The following PRUNE2 variants were observed in gnomAD, a reference collection of about 807,000 sequenced individuals.
PRUNE2 encodes prune homolog 2 with BCH domain, also known as protein prune homolog 2.
A neutral mutation model predicts 252.0 loss-of-function variants in PRUNE2; 164 were observed. That is an observed-to-expected ratio of 0.65 (90% CI 0.57 to 0.74). PRUNE2 has a LOEUF of 0.74. Among genes scored for constraint, PRUNE2 ranks in the 30% least tolerant of loss-of-function variants. The probability of loss-of-function intolerance (pLI) is 0.00; values close to 1 mark genes in which losing one functional copy is unlikely to be tolerated. For synonymous variants in PRUNE2, 1,292 were observed against 1,350.2 expected (o/e 0.96, Z 0.94); for missense variants, 3,495 against 3,711.0 (o/e 0.94, Z 1.51).
chr9:76,729,094 T>G (rs1390741757), intron 6 of PRUNE2, among the ~76,000 whole-genome samples: 3 of 152,190 alleles, frequency 2.0e-5, no homozygotes, highest in Non-Finnish European at 4.4e-5. Flanking sequence ...ATTGTTTAAA[T>G]TACGGAGCTA....
chr9:76,663,364 C>A (rs770277103), intron 9 of PRUNE2, among the ~76,000 whole-genome samples: 2 of 152,228 alleles, frequency 1.3e-5, no homozygotes, highest in African/African-American at 4.8e-5. Context: ...GAGCTGGAAA[C>A]TGACTGCACA....
intron 6 of PRUNE2, chr9:76,784,715 C>G (rs1429191280): frequency 6.6e-6 from 1 of 152,194 alleles, no homozygotes; most frequent in East Asian, 1.9e-4. Flanking sequence ...TGTTCTGGCC[C>G]AGGGGATCTG....
intron 11 of PRUNE2, among the ~76,000 whole-genome samples, chr9:76,648,580 G>A (rs1845907282): frequency 6.6e-6 from 1 of 152,206 alleles, no homozygotes; most frequent in Non-Finnish European, 1.5e-5. Context: ...CATATTGTAT[G>A]AGTCCAACTA....
chr9:76,653,604 G>A (rs991916632), intron 10 of PRUNE2, among the ~76,000 whole-genome samples: 2 of 152,028 alleles, frequency 1.3e-5, no homozygotes, highest in African/African-American at 4.8e-5. Context: ...TTTTCTAATC[G>A]TTTGTGTTGA....
chr9:76,850,348 G>A, intron 3 of PRUNE2, 115 bp downstream of exon 3: 1 of 798,600 alleles, frequency 1.3e-6, no homozygotes. Context: ...TGACCAGCAT[G>A]TCCTCTGCTT....
intron 6 of PRUNE2, among the ~76,000 whole-genome samples, chr9:76,718,415 CT>C (rs2047345484): frequency 6.7e-6 from 1 of 148,720 alleles, no homozygotes; most frequent in Non-Finnish European, 1.5e-5. Context: ...CTGAAACTCT[CT>C]TCTCAAAAGT....
intron 6 of PRUNE2, among the ~76,000 whole-genome samples, chr9:76,810,856 T>C (rs1352602962): frequency 6.6e-6 from 1 of 152,238 alleles, no homozygotes; most frequent in African/African-American, 2.4e-5. Context: ...TTTATATAGA[T>C]TTCTCTGTCA....
chr9:76,862,781 TTC>T (rs2060625469), intron 1 of PRUNE2: 1 of 152,226 alleles, frequency 6.6e-6, no homozygotes, highest in South Asian at 2.1e-4. Context: ...CTCTCTGTAC[TTC>T]TATGAGTGTT....
chr9:76,619,288 C>A lies in PRUNE2; in HGVS notation c.9236+52G>T, dbSNP rs1035722953. 8 of 1,210,698 alleles carry A rather than the reference C, an allele frequency of 6.6e-6. No homozygotes were observed. In the African/African-American group the frequency reaches 1.0e-4, roughly 16 times the overall value. The allele number at this position is 1,210,698 out of a possible 1,614,324, so 75.0% of individuals were successfully genotyped here. A position where few individuals can be genotyped will look rare whatever the true frequency, so the allele number is the denominator to read the frequency against. ...CAGTGTGTTTTCTTTCAGAGCCCAGCCATACAACACTACAAGTAACCACAT... is the reference window on the plus strand; with the variant it reads ...CAGTGTGTTTTCTTTCAGAGCCCAGACATACAACACTACAAGTAACCACAT... On this transcript the variant is annotated intron_variant, in intron 18 of 18. Transcript: ENST00000376718.
At chr9:76,724,016 C>T (rs978489267) in intron 6 of PRUNE2, among the ~76,000 whole-genome samples, 2 of 150,634 alleles carry the variant, frequency 1.3e-5, no homozygotes, top group African/African-American at 2.4e-5. Context: ...ACCATGGTCT[C>T]GATCTCCTGA....
intron 1 of PRUNE2, among the ~76,000 whole-genome samples, chr9:76,866,678 A>AAAGG (rs765657924): frequency 3.3e-5 from 5 of 151,892 alleles, no homozygotes; most frequent in Admixed American, 6.6e-5. Context: ...TAAGTACAAA[A>AAAGG]AAGGAAGGAA....
At position 76,710,039 on chromosome 9, in the gene PRUNE2, C is replaced by T. The variant is rs11145017; in HGVS notation, c.2235G>A (p.Met745Ile). 254,488 of 1,613,440 alleles carry T rather than the reference C, an allele frequency of 0.16. 23,925 individuals are homozygous for T. Among genetic ancestry groups the T allele is most frequent in the East Asian group, 0.49 (22,062 of 44,844 alleles). The change falls in exon 8 of 19, where the codon ATG becomes ATA. Residue 745 changes from methionine (M) to isoleucine (I), a missense_variant. Met to Ile is a conservative substitution (Grantham distance 10). Transcript: ENST00000376718. ...ATGTATTTGGCAAAGGTGACTTCTC[C>T]ATGGGCAGGTTCTGGAACGGCAAGC... ...EESLPFQNLP[M>I]EKSPLPNTSP...
chr9:76,857,552 C>A (rs754616452), intron 1 of PRUNE2, among the ~76,000 whole-genome samples: 7 of 152,148 alleles, frequency 4.6e-5, no homozygotes, highest in Admixed American at 6.5e-5. Flanking sequence ...CCAATTCCTA[C>A]CAGTAACCAC....
chr9:76,692,256 C>A (rs978239293), intron 9 of PRUNE2: 1 of 690,020 alleles, frequency 1.4e-6, no homozygotes, highest in Non-Finnish European at 2.7e-6. Context: ...CCCATGCAGC[C>A]GCTGTGGCTA....
intron 1 of PRUNE2, among the ~76,000 whole-genome samples, chr9:76,894,561 C>T (rs572928680): frequency 6.6e-6 from 1 of 152,268 alleles, no homozygotes; most frequent in South Asian, 2.1e-4. Context: ...CTGGCCAGCA[C>T]CACTGACCAC....
At chr9:76,790,422 A>G (rs2055439552) in intron 6 of PRUNE2, among the ~76,000 whole-genome samples, 2 of 152,206 alleles carry the variant, frequency 1.3e-5, no homozygotes, top group Admixed American at 1.3e-4. Context: ...ACATAAGAAC[A>G]TATAATCAGT....
chr9:76,798,949 A>G (rs2056330666), intron 6 of PRUNE2, among the ~76,000 whole-genome samples: 1 of 152,234 alleles, frequency 6.6e-6, no homozygotes, highest in South Asian at 2.1e-4. Context: ...CTGCCTACTG[A>G]TAACTTTGGA....
intron 18 of PRUNE2, among the ~76,000 whole-genome samples, chr9:76,615,479 C>T (rs7865889): frequency 0.15 from 23,027 of 152,130 alleles, 2,621 homozygotes; most frequent in South Asian, 0.31. Flanking sequence ...AAGCCACTGG[C>T]AACTCACGCT....
chr9:76,900,276 T>C (rs573242096), intron 1 of PRUNE2, among the ~76,000 whole-genome samples: 27 of 152,346 alleles, frequency 1.8e-4, no homozygotes, highest in African/African-American at 6.3e-4. Flanking sequence ...TAGGCATCAC[T>C]TATTCCATTT....
Sources: gnomAD v4.1 joint callset for allele counts (sites outside exome capture counted in the v4.1 genomes callset) on GRCh38, gnomAD v4.1.1 for gene constraint, MANE v1.5 for transcripts, NCBI Gene and HGNC (gene_info 2026-07-23, HGNC 2026-07-21) for gene names.